Variants in WNT9A observed in about 807,000 individuals in gnomAD.
The protein encoded by WNT9A is Wnt family member 9A.
Under a neutral mutation model 31.4 loss-of-function variants are expected in WNT9A, and 8 were observed. That is an observed-to-expected ratio of 0.26 (90% CI 0.15 to 0.46). The LOEUF (loss-of-function observed/expected upper bound fraction) is 0.46. Ranked by LOEUF, WNT9A falls within the 20% of genes least tolerant of loss-of-function variation. The pLI, the probability that WNT9A is intolerant of heterozygous loss-of-function variation, is 0.99. For synonymous variants in WNT9A, 236 were observed against 220.1 expected (o/e 1.07, Z -0.64); for missense variants, 457 against 522.9 (o/e 0.87, Z 1.23).
Position 227,924,060 on chromosome 1 carries a change from A to T in WNT9A, c.615+78T>A, listed in dbSNP as rs931591488. The T allele has an allele frequency of 3.5e-3, 147 of 42,098 alleles. 9 individuals are homozygous for T. Among genetic ancestry groups the T allele is most frequent in the Non-Finnish European group, 4.7e-3 (106 of 22,488 alleles). The allele number at this position is 42,098 out of a possible 1,614,324, so 2.6% of individuals were successfully genotyped here. A position where few individuals can be genotyped will look rare whatever the true frequency, so the allele number is the denominator to read the frequency against. On this transcript the variant is annotated intron_variant, in intron 3 of 3. Coordinates refer to ENST00000272164, the MANE Select transcript of WNT9A (RefSeq NM_003395.4). Reference sequence around the variant, plus strand: ...CCTGCCCTGCTGCAGCCCCGCCCCCAGTCCCACGCCCCACCCCCAACCCCC... The same window carrying T: ...CCTGCCCTGCTGCAGCCCCGCCCCCTGTCCCACGCCCCACCCCCAACCCCC...
intron 1 of WNT9A, 87 bp downstream of exon 1, chr1:227,947,706 C>T: frequency 3.6e-6 from 3 of 832,170 alleles, no homozygotes; most frequent in African/African-American, 1.8e-5. Context: ...CCCCAGCCAC[C>T]CCGGGTGCCT....
At chr1:227,929,485 C>T (rs923247114) in intron 1 of WNT9A, among the ~76,000 whole-genome samples, 2 of 152,194 alleles carry the variant, frequency 1.3e-5, no homozygotes, top group African/African-American at 4.8e-5. Context: ...AAAGTGGTAG[C>T]ATTAGGAGGT....
At chr1:227,924,427 A>C in intron 2 of WNT9A, 27 bp from the exon 3 acceptor site, 3 of 1,596,742 alleles carry the variant, frequency 1.9e-6, no homozygotes, top group Non-Finnish European at 2.6e-6. Flanking sequence ...CCGATCAGTG[A>C]GCCCAGGCTG....
intron 1 of WNT9A, among the ~76,000 whole-genome samples, chr1:227,946,139 A>C (rs1376227462): frequency 6.6e-6 from 1 of 152,218 alleles, no homozygotes. Flanking sequence ...AACAGCACTT[A>C]AGTCCTTGCT....
chr1:227,945,681 C>T (rs1372732155), intron 1 of WNT9A, among the ~76,000 whole-genome samples: 2 of 152,114 alleles, frequency 1.3e-5, no homozygotes, highest in East Asian at 1.9e-4. Flanking sequence ...AGGGCCACCC[C>T]AGCCCCCCTC....
rs2102715408 is a variant in WNT9A, at chr1:227,921,273, A to C, written c.*245T>G. ...AGCCTTGGCAGGTGTAGGCCCATTC[A>C]TGCTCTGTGCAATGCCTGCACCCCA... On this transcript the variant is annotated 3_prime_UTR_variant, in exon 4 of 4. Transcript: ENST00000272164. The C allele has an allele frequency of 3.5e-6, 2 of 573,176 alleles. No individual in the cohort carries two copies. The highest frequency in any genetic ancestry group is 6.1e-5 in the East Asian group (2 of 32,572). 35.5% of individuals were successfully genotyped at this position (573,176 alleles called of 1,614,324 possible).
intron 1 of WNT9A, among the ~76,000 whole-genome samples, chr1:227,940,424 G>A (rs894890551): frequency 6.6e-6 from 1 of 152,164 alleles, no homozygotes; most frequent in African/African-American, 2.4e-5. Context: ...GGAGAGCCAC[G>A]CAACCTTCCA....
At chr1:227,923,056 T>C (rs1666352750) in intron 3 of WNT9A, among the ~76,000 whole-genome samples, 1 of 152,156 alleles carries the variant, frequency 6.6e-6, no homozygotes. Context: ...AGGGGGGTCA[T>C]ACACAAAGGA....
rs752095608 is a variant in WNT9A at position 227,928,922 on chromosome 1, G to A, written c.96-3403C>T. Among the ~76,000 whole-genome samples, 11 of 152,320 alleles carry A rather than the reference G, an allele frequency of 7.2e-5. No homozygotes were observed. Among genetic ancestry groups the A allele is most frequent in the Middle Eastern group, 3.4e-3 (1 of 294 alleles). The stretch of plus-strand genomic sequence containing the variant: ...CAGCAAAGAACAAAAAAGAGGCAGC[G>A]CAGAGTCCAGAGACCAACAGACAAA... On this transcript the variant is annotated intron_variant, in intron 1 of 3. Coordinates refer to ENST00000272164, the MANE Select transcript of WNT9A (RefSeq NM_003395.4). The surrounding 1 kb of genome is among the most constrained non-coding windows in gnomAD (Gnocchi z 4.5).
chr1:227,935,558 C>T (rs1666581566), intron 1 of WNT9A, among the ~76,000 whole-genome samples: 1 of 152,206 alleles, frequency 6.6e-6, no homozygotes, highest in South Asian at 2.1e-4. Flanking sequence ...ATCCTCCATC[C>T]TTGGAGTGTC....
Position 227,947,866 on chromosome 1 carries a change from C to A in WNT9A, c.22G>T (p.Ala8Ser), listed in dbSNP as rs772313258. 9.2e-7 allele frequency: 1 copy of A among 1,083,766 alleles called. No homozygotes were observed. Among genetic ancestry groups the A allele is most frequent in the Non-Finnish European group, 1.1e-6 (1 of 894,210 alleles). 67.1% of individuals were successfully genotyped at this position (1,083,766 alleles called of 1,614,324 possible). MLDGSPL[A>S]RWLAAAFGLT... ...CCGAAGGCCGCGGCCAGCCAGCGCG[C>A]CAGCGGGGACCCATCCAGCATCTTG... is the stretch of plus-strand genomic sequence containing the variant. The change falls in exon 1 of 4, where the codon GCG (alanine) becomes TCG (serine). Residue 8 changes from alanine to serine, a missense_variant. Ala to Ser is a moderately conservative substitution (Grantham distance 99). Coordinates refer to ENST00000272164, the MANE Select transcript of WNT9A (RefSeq NM_003395.4).
intron 1 of WNT9A, among the ~76,000 whole-genome samples, chr1:227,943,160 AGCAGCCTCTCC>A (rs1666735779): frequency 6.6e-6 from 1 of 152,194 alleles, no homozygotes; most frequent in Non-Finnish European, 1.5e-5. Flanking sequence ...CGCCCATGAC[AGCAGCCTCTCC>A]GCAGCCTCCT....
In WNT9A at chr1:227,921,490, T is replaced by A. The variant is rs1666312368; in HGVS notation, c.*28A>T. On this transcript the variant is annotated 3_prime_UTR_variant, in exon 4 of 4. Coordinates refer to ENST00000272164, the MANE Select transcript of WNT9A (RefSeq NM_003395.4). ...CACCGTGTGCAATGCCTGCACCCTG[T>A]GCAGCAGGGCTGGCAGGGCCTGGGA... 1 of 1,589,264 alleles carries A rather than the reference T, an allele frequency of 6.3e-7. No homozygotes were observed. Among genetic ancestry groups the A allele is most frequent in the Middle Eastern group, 1.7e-4 (1 of 5,956 alleles).
At chr1:227,941,328 G>C (rs1179734270) in intron 1 of WNT9A, among the ~76,000 whole-genome samples, 1 of 152,122 alleles carries the variant, frequency 6.6e-6, no homozygotes, top group Non-Finnish European at 1.5e-5. Flanking sequence ...GAGCGACCAG[G>C]GAGAGAAGGA....
intron 1 of WNT9A, among the ~76,000 whole-genome samples, chr1:227,943,369 T>C (rs1018918986): frequency 1.3e-5 from 2 of 152,050 alleles, no homozygotes; most frequent in Admixed American, 6.5e-5. Context: ...GAAATCCAAA[T>C]ATATAAAGAG....
In WNT9A at chr1:227,925,568, G is replaced by T; in HGVS notation, c.96-49C>A. On this transcript the variant is annotated intron_variant, in intron 1 of 3. Transcript: ENST00000272164. This position sits in a 1 kb window ranked among gnomAD's most constrained non-coding sequence, Gnocchi z 6.0. ...AGCCCGGCCCCAGGAAGCCCTGCTG[G>T]AGCCTGGCCAGGTGTCTCGGTGGCC... is the stretch of plus-strand genomic sequence containing the variant. 1 of 1,458,086 alleles carries T rather than the reference G, an allele frequency of 6.9e-7. No homozygotes were observed. Among genetic ancestry groups the T allele is most frequent in the South Asian group, 1.4e-5 (1 of 71,254 alleles). The allele number at this position is 1,458,086 out of a possible 1,614,324, so 90.3% of individuals were successfully genotyped here. A position where few individuals can be genotyped will look rare whatever the true frequency, so the allele number is the denominator to read the frequency against.
chr1:227,925,840 T>C lies in WNT9A; in HGVS notation c.96-321A>G, dbSNP rs995891322. On this transcript the variant is annotated intron_variant, in intron 1 of 3. Coordinates refer to ENST00000272164, the MANE Select transcript of WNT9A (RefSeq NM_003395.4). This position sits in a 1 kb window ranked among gnomAD's most constrained non-coding sequence, Gnocchi z 6.0. ...TAAGACCCCCACAACACACACAACA[T>C]ACGCAAGAGGACAGCCCCGCCTAGG... is the stretch of plus-strand genomic sequence containing the variant. Among the ~76,000 whole-genome samples the C allele has an allele frequency of 6.6e-6, 1 of 151,740 alleles. No homozygotes were observed. Among genetic ancestry groups the C allele is most frequent in the African/African-American group, 2.4e-5 (1 of 41,328 alleles).
At chr1:227,936,102 T>C (rs1293703393) in intron 1 of WNT9A, among the ~76,000 whole-genome samples, 2 of 152,198 alleles carry the variant, frequency 1.3e-5, no homozygotes, top group Non-Finnish European at 2.9e-5. Flanking sequence ...GGCACCAGCT[T>C]GTTGGTGTCC....
Position 227,926,528 on chromosome 1 carries a change from C to T in WNT9A, c.96-1009G>A, listed in dbSNP as rs921488714. On this transcript the variant is annotated intron_variant, in intron 1 of 3. Transcript: ENST00000272164. The surrounding 1 kb of genome is among the most constrained non-coding windows in gnomAD (Gnocchi z 5.0). ...TCTATCCTGGGACTGACCGAGCATGCTCTGCAGCTCTGTGTCAGACCTGCC... is the reference window on the plus strand; with the variant it reads ...TCTATCCTGGGACTGACCGAGCATGTTCTGCAGCTCTGTGTCAGACCTGCC... Among the ~76,000 whole-genome samples the T allele has an allele frequency of 2.0e-5, 3 of 152,114 alleles. No homozygotes were observed. Among genetic ancestry groups the T allele is most frequent in the Non-Finnish European group, 4.4e-5 (3 of 68,020 alleles).
Sources: allele counts gnomAD v4.1 joint callset (sites outside exome capture counted in the v4.1 genomes callset), GRCh38; gene constraint gnomAD v4.1.1; non-coding constraint Gnocchi (gnomAD v3.1); transcripts MANE v1.5; gene names NCBI Gene and HGNC (gene_info 2026-07-23, HGNC 2026-07-21).